The following SBF2 variants were observed in gnomAD, a reference collection of about 807,000 sequenced individuals.
The protein encoded by SBF2 is SET binding factor 2, also known as myotubularin-related protein 13.
A neutral mutation model predicts 225.2 loss-of-function variants in SBF2; 112 were observed. The observed-to-expected ratio is 0.50, with a 90% CI of 0.43 to 0.58. The LOEUF (loss-of-function observed/expected upper bound fraction) is 0.58. Ranked by LOEUF, SBF2 falls within the 20% of genes least tolerant of loss-of-function variation. SBF2 has a pLI of 0.00. For synonymous variants in SBF2, 763 were observed against 773.3 expected (o/e 0.99, Z 0.22); for missense variants, 1,996 against 2,206.2 (o/e 0.90, Z 1.91).
At chr11:10,170,827 T>TC (rs1372655653) in intron 2 of SBF2, among the ~76,000 whole-genome samples, 1 of 152,136 alleles carries the variant, frequency 6.6e-6, no homozygotes, top group Non-Finnish European at 1.5e-5. Flanking sequence ...AGTTTTTTTT[T>TC]CATCAGTGAT....
chr11:10,300,799 T>TTCTC (rs1292818622), intron 1 of SBF2, among the ~76,000 whole-genome samples: 24 of 151,044 alleles, frequency 1.6e-4, no homozygotes, highest in African/African-American at 5.4e-4. Flanking sequence ...CTACTTTCTC[T>TTCTC]TCTCTCTCTC....
At position 9,957,310 on chromosome 11, in the gene SBF2, C is replaced by G. The variant is rs564158457; in HGVS notation, c.1860+4647G>C. 10 of 152,296 alleles carry G rather than the reference C, an allele frequency of 6.6e-5. No individual in the cohort carries two copies. In the East Asian group the frequency reaches 1.9e-3, roughly 29 times the overall value. 9.4% of individuals were successfully genotyped at this position (152,296 alleles called of 1,614,324 possible). Reference sequence around the variant, plus strand: ...GGACTAACCGCAAATCAACAACTTTCAAGCACCACTTCCCTCACTCCTTAC... The same window carrying G: ...GGACTAACCGCAAATCAACAACTTTGAAGCACCACTTCCCTCACTCCTTAC... On this transcript the variant is annotated intron_variant, in intron 16 of 39. Transcript: ENST00000256190.
intron 38 of SBF2, among the ~76,000 whole-genome samples, chr11:9,782,743 C>A (rs1007694548): frequency 6.6e-6 from 1 of 151,818 alleles, no homozygotes; most frequent in Non-Finnish European, 1.5e-5. Flanking sequence ...TGGTGGCAGG[C>A]GCCTGTAATC....
intron 16 of SBF2, among the ~76,000 whole-genome samples, chr11:9,904,482 A>C (rs1235792730): frequency 2.6e-5 from 4 of 152,210 alleles, no homozygotes; most frequent in African/African-American, 9.7e-5. Context: ...AAAAGGAAAA[A>C]CAGATAAATT....
chr11:10,028,700 C>G, intron 5 of SBF2, 143 bp from the exon 6 acceptor site: 1 of 668,546 alleles, frequency 1.5e-6, no homozygotes, highest in Non-Finnish European at 2.7e-6. Flanking sequence ...AATGTATATC[C>G]CAAAACATTT....
rs528126338 is a variant in SBF2, at chr11:10,173,043, T to C, written c.141+20859A>G. 4.6e-5 allele frequency among the ~76,000 whole-genome samples: 7 copies of C among 152,360 alleles called. No homozygotes were observed. The East Asian group carries it at 5.8e-4, about 13-fold the overall frequency. On this transcript the variant is annotated intron_variant, in intron 2 of 39. Coordinates refer to ENST00000256190, the MANE Select transcript of SBF2 (RefSeq NM_030962.4). ...ATTGTTTAATTTCCATGTGTTTGTA[T>C]AGTTTCCAAAATTCCTCTTTATTGA...
chr11:9,790,988 G>A (rs993909877), intron 33 of SBF2: 2 of 226,162 alleles, frequency 8.8e-6, no homozygotes, highest in Admixed American at 5.4e-5. Context: ...AGAAGTCCAT[G>A]CAGGAGGCAG....
At chr11:9,882,727 T>A (rs543986338) in intron 17 of SBF2, among the ~76,000 whole-genome samples, 2 of 139,534 alleles carry the variant, frequency 1.4e-5, no homozygotes, top group Non-Finnish European at 3.1e-5. Flanking sequence ...GAATCACTTG[T>A]ACCCAGGAGG....
intron 24 of SBF2, 123 bp from the exon 25 acceptor site, chr11:9,842,893 T>G: frequency 1.1e-6 from 1 of 882,810 alleles, no homozygotes; most frequent in South Asian, 1.6e-5. Flanking sequence ...TCCAGACTCT[T>G]GTTAAGCCTC....
chr11:10,242,671 C>T (rs1248750733), intron 1 of SBF2, among the ~76,000 whole-genome samples: 1 of 151,696 alleles, frequency 6.6e-6, no homozygotes, highest in Non-Finnish European at 1.5e-5. Context: ...AAATGGTAGC[C>T]AAAAGAGAGC....
At chr11:10,008,936 T>C (rs1209803360) in intron 6 of SBF2, among the ~76,000 whole-genome samples, 1 of 152,250 alleles carries the variant, frequency 6.6e-6, no homozygotes, top group Non-Finnish European at 1.5e-5. Flanking sequence ...TGCCAGATAA[T>C]GGGGATAAAT....
chr11:10,184,561 C>T (rs1386999062), intron 2 of SBF2, among the ~76,000 whole-genome samples: 2 of 152,168 alleles, frequency 1.3e-5, no homozygotes, highest in African/African-American at 4.8e-5. Context: ...AACTCCAAAA[C>T]TCTTTCCATC....
At chr11:10,057,127 T>C (rs1241750455) in intron 2 of SBF2, among the ~76,000 whole-genome samples, 1 of 152,016 alleles carries the variant, frequency 6.6e-6, no homozygotes, top group African/African-American at 2.4e-5. Context: ...TTCTGGAAAA[T>C]CTGAGGTGAC....
At chr11:9,883,133 C>CA (rs1213733952) in intron 17 of SBF2, among the ~76,000 whole-genome samples, 6 of 151,294 alleles carry the variant, frequency 4.0e-5, no homozygotes, top group African/African-American at 1.5e-4. Context: ...GACTCTGTCT[C>CA]AAAAAAACAA....
chr11:9,994,335 C>T (rs922555106), intron 9 of SBF2, among the ~76,000 whole-genome samples: 5 of 151,344 alleles, frequency 3.3e-5, no homozygotes, highest in African/African-American at 9.7e-5. Flanking sequence ...ATTAGCCGGG[C>T]GTGGTGGTGG....
chr11:10,251,547 A>G (rs1689089846), intron 1 of SBF2, among the ~76,000 whole-genome samples: 1 of 152,178 alleles, frequency 6.6e-6, no homozygotes, highest in Non-Finnish European at 1.5e-5. Context: ...TGAAAAGACT[A>G]CTTATTCAAG....
intron 21 of SBF2, among the ~76,000 whole-genome samples, chr11:9,851,996 A>G (rs1421135789): frequency 6.6e-6 from 1 of 152,168 alleles, no homozygotes; most frequent in Non-Finnish European, 1.5e-5. Flanking sequence ...GCTGGTCTCA[A>G]ACTCCTGGGC....
intron 1 of SBF2, among the ~76,000 whole-genome samples, chr11:10,293,779 T>G (rs1435634716): frequency 6.6e-6 from 1 of 151,892 alleles, no homozygotes; most frequent in Admixed American, 6.5e-5. Context: ...GCCCAGCGGG[T>G]GCGCCCAGGG....
intron 2 of SBF2, among the ~76,000 whole-genome samples, chr11:10,164,267 C>T (rs1031499895): frequency 1.3e-5 from 2 of 152,126 alleles, no homozygotes; most frequent in African/African-American, 4.8e-5. Context: ...GGTCTTACAT[C>T]ATAATTTTGT....
Sources: allele counts gnomAD v4.1 joint callset (sites outside exome capture counted in the v4.1 genomes callset), GRCh38; gene constraint gnomAD v4.1.1; transcripts MANE v1.5; gene names NCBI Gene and HGNC (gene_info 2026-07-23, HGNC 2026-07-21).